The following PCGF6 variants were observed in gnomAD, a reference collection of about 807,000 sequenced individuals.
PCGF6 encodes the protein polycomb group RING finger protein 6.
In PCGF6, 24 loss-of-function variants were observed where a neutral mutation model predicts 45.5. The observed-to-expected ratio is 0.53, with a 90% CI of 0.38 to 0.74. The LOEUF (loss-of-function observed/expected upper bound fraction) is 0.74. Among genes scored for constraint, PCGF6 ranks in the 30% least tolerant of loss-of-function variants. The pLI is 0.00. For synonymous variants in PCGF6, 152 were observed against 162.1 expected, an observed-to-expected ratio of 0.94 and a Z score of 0.47; for missense variants, 356 against 443.2, an observed-to-expected ratio of 0.80 and a Z score of 1.77.
chr10:103,335,003 T>C (rs1274786431), intron 6 of PCGF6, among the ~76,000 whole-genome samples: 1 of 152,196 alleles, frequency 6.6e-6, no homozygotes, highest in African/African-American at 2.4e-5. Context: ...CTTCCTTATG[T>C]TGTGAAGATT....
chr10:103,311,218 C>T (rs2093156138), intron 9 of PCGF6, among the ~76,000 whole-genome samples: 1 of 152,042 alleles, frequency 6.6e-6, no homozygotes, highest in Non-Finnish European at 1.5e-5. Context: ...CTTGGCTCAC[C>T]GCAAACTCTG....
intron 9 of PCGF6, among the ~76,000 whole-genome samples, chr10:103,307,435 G>GC (rs1388136994): frequency 6.6e-6 from 1 of 151,940 alleles, no homozygotes; most frequent in Non-Finnish European, 1.5e-5. Flanking sequence ...AGACCACACA[G>GC]CAAGACCCTG....
chr10:103,340,947 C>T (rs1313177828), intron 6 of PCGF6, among the ~76,000 whole-genome samples: 4 of 152,010 alleles, frequency 2.6e-5, no homozygotes, highest in Non-Finnish European at 5.9e-5. Flanking sequence ...AATATAATTC[C>T]TTACAGGCGC....
chr10:103,346,564 C>A (rs2093300305), intron 5 of PCGF6, among the ~76,000 whole-genome samples: 1 of 152,110 alleles, frequency 6.6e-6, no homozygotes, highest in Non-Finnish European at 1.5e-5. Flanking sequence ...GCGGAGGTTG[C>A]AGTGAGCCAA....
intron 8 of PCGF6, among the ~76,000 whole-genome samples, chr10:103,316,915 A>G (rs981132567): frequency 6.6e-6 from 1 of 152,250 alleles, no homozygotes; most frequent in Admixed American, 6.5e-5. Flanking sequence ...TGGTATTTCC[A>G]AAGTGACTTG....
chr10:103,308,835 C>A (rs1205602283), intron 9 of PCGF6, among the ~76,000 whole-genome samples: 1 of 151,892 alleles, frequency 6.6e-6, no homozygotes, highest in Non-Finnish European at 1.5e-5. Context: ...CACACTACTG[C>A]ACTCTAACCT....
intron 9 of PCGF6, among the ~76,000 whole-genome samples, chr10:103,311,660 AG>A (rs1307339395): frequency 6.6e-6 from 1 of 152,072 alleles, no homozygotes; most frequent in East Asian, 1.9e-4. Flanking sequence ...TCTATACTTA[AG>A]ATACACAAAA....
At chr10:103,342,678 A>G (rs894779157) in intron 6 of PCGF6, among the ~76,000 whole-genome samples, 13 of 152,114 alleles carry the variant, frequency 8.5e-5, no homozygotes, top group Non-Finnish European at 1.5e-4. Flanking sequence ...TGCTTTTCCC[A>G]CTTAATACAT....
chr10:103,327,568 G>T (rs1270748010), intron 7 of PCGF6, among the ~76,000 whole-genome samples: 4 of 152,016 alleles, frequency 2.6e-5, no homozygotes, highest in African/African-American at 9.7e-5. Flanking sequence ...CACTTAACAT[G>T]AATTTATAAT....
intron 9 of PCGF6, among the ~76,000 whole-genome samples, chr10:103,310,049 T>G (rs1440200577): frequency 6.6e-6 from 1 of 151,724 alleles, no homozygotes; most frequent in Non-Finnish European, 1.5e-5. Flanking sequence ...CCTCCCAGGT[T>G]CAGGCAATTC....
In PCGF6 at chr10:103,314,266, T is replaced by C. The variant is rs1176313227; in HGVS notation, c.916A>G (p.Ile306Val). Residue 306 changes from isoleucine to valine, a missense_variant, in exon 9 of 10, where the codon ATA becomes GTA. By Grantham distance (29) the Ile-to-Val change is conservative. Around this residue, in one of 2 missense-constraint regions of PCGF6, gnomAD observed 49 missense variants for 93.0 expected, o/e 0.53. Coordinates refer to ENST00000369847, the MANE Select transcript of PCGF6 (RefSeq NM_001011663.2). The stretch of plus-strand genomic sequence containing the variant: ...TCCAACAGGTGATCACCACAGATTA[T>C]ATCTACCTATGGACATGAAGAGAGT... ...MGLDPACQVD[I>V]ICGDHLLEQY... 2.5e-6 allele frequency: 4 copies of C among 1,577,852 alleles called. No homozygotes were observed. Among genetic ancestry groups the C allele is most frequent in the Non-Finnish European group, 3.5e-6 (4 of 1,151,246 alleles).
intron 9 of PCGF6, among the ~76,000 whole-genome samples, chr10:103,311,440 C>CCT (rs749105756): frequency 6.6e-6 from 1 of 151,222 alleles, no homozygotes; most frequent in African/African-American, 2.4e-5. Context: ...CTGTGCCCGG[C>CCT]CTCTCTCTTT....
intron 6 of PCGF6, among the ~76,000 whole-genome samples, chr10:103,337,463 A>G (rs997760336): frequency 2.0e-5 from 3 of 152,196 alleles, no homozygotes; most frequent in African/African-American, 7.2e-5. Context: ...GTTTAGAAAT[A>G]CAGAAACTGA....
chr10:103,336,137 G>C (rs1387775211), intron 6 of PCGF6, among the ~76,000 whole-genome samples: 2 of 151,900 alleles, frequency 1.3e-5, no homozygotes, highest in African/African-American at 4.8e-5. Flanking sequence ...GGGAGGCTGA[G>C]GCAGGAGAAT....
intron 3 of PCGF6, 55 bp from the exon 4 acceptor site, chr10:103,347,505 TAC>T: frequency 7.0e-7 from 1 of 1,419,316 alleles, no homozygotes; most frequent in South Asian, 1.2e-5. Flanking sequence ...TGCATTTTGG[TAC>T]AGAGTGAGTT....
chr10:103,308,392 A>AT (rs1345725276), intron 9 of PCGF6, among the ~76,000 whole-genome samples: 1 of 151,164 alleles, frequency 6.6e-6, no homozygotes, highest in African/African-American at 2.4e-5. Context: ...GACAAAGGAG[A>AT]TTTTAGAGCT....
At chr10:103,337,301 A>G (rs1270526640) in intron 6 of PCGF6, among the ~76,000 whole-genome samples, 1 of 152,190 alleles carries the variant, frequency 6.6e-6, no homozygotes, top group Non-Finnish European at 1.5e-5. Flanking sequence ...TTTGGTATGC[A>G]GGTGTATGTA....
In PCGF6 at chr10:103,303,385, A is replaced by G. The variant is rs1400113271; in HGVS notation, c.*520T>C. ...CTCCTTTGTAGTGTTGCTAGTATAA[A>G]AAAAGGTACAAGTTCAAAATATGCT... On this transcript the variant is annotated 3_prime_UTR_variant, in exon 10 of 10. Transcript: ENST00000369847. 1 of 152,566 alleles carries G rather than the reference A, an allele frequency of 6.6e-6. No individual in the cohort carries two copies. 9.5% of individuals were successfully genotyped at this position (152,566 alleles called of 1,614,324 possible).
At chr10:103,335,147 A>C (rs1411890629) in intron 6 of PCGF6, among the ~76,000 whole-genome samples, 1 of 150,598 alleles carries the variant, frequency 6.6e-6, no homozygotes, top group Non-Finnish European at 1.5e-5. Flanking sequence ...TCTGGGCTTA[A>C]GTGAACTTCT....
Sources: gnomAD v4.1 joint callset for allele counts (sites outside exome capture counted in the v4.1 genomes callset) on GRCh38, gnomAD v4.1.1 for gene constraint, gnomAD v4.1.1 regional missense constraint, MANE v1.5 for transcripts, NCBI Gene and HGNC (gene_info 2026-07-23, HGNC 2026-07-21) for gene names.